Variants in ATRNL1 observed in about 807,000 individuals in gnomAD.
The protein encoded by ATRNL1 is attractin like 1, also known as attractin-like protein 1.
Under a neutral mutation model 182.7 loss-of-function variants are expected in ATRNL1, and 95 were observed. The ratio of observed to expected loss-of-function variants is 0.52; its 90% CI spans 0.44 to 0.62. The LOEUF is 0.62. Among genes scored for constraint, ATRNL1 ranks in the 20% least tolerant of loss-of-function variants. The pLI is 0.00. For missense variants in ATRNL1, 1,471 were observed against 1,679.5 expected, an observed-to-expected ratio of 0.88 and a Z score of 2.17; for synonymous variants, 576 against 568.3, an observed-to-expected ratio of 1.01 and a Z score of -0.19.
chr10:115,304,785 A>G (rs1483586025), intron 17 of ATRNL1, among the ~76,000 whole-genome samples: 10 of 152,068 alleles, frequency 6.6e-5, no homozygotes, highest in Non-Finnish European at 1.2e-4. Flanking sequence ...CATATTCCCA[A>G]ATACATGTGG....
chr10:115,469,548 G>A (rs1401338549), intron 24 of ATRNL1, among the ~76,000 whole-genome samples: 1 of 150,556 alleles, frequency 6.6e-6, no homozygotes, highest in Non-Finnish European at 1.5e-5. Flanking sequence ...ATTTTTCAGT[G>A]ATTATTATGT....
intron 8 of ATRNL1, among the ~76,000 whole-genome samples, chr10:115,184,482 C>T (rs574351896): frequency 6.6e-6 from 1 of 151,044 alleles, no homozygotes; most frequent in East Asian, 1.9e-4. Flanking sequence ...TATACATGTA[C>T]TACTTTTTGT....
intron 27 of ATRNL1, among the ~76,000 whole-genome samples, chr10:115,773,151 A>G (rs1949036071): frequency 6.6e-6 from 1 of 152,218 alleles, no homozygotes; most frequent in Non-Finnish European, 1.5e-5. Context: ...ACTCTTTTTA[A>G]CAGTTGTCAG....
chr10:115,678,317 T>C (rs1250735861), intron 26 of ATRNL1, among the ~76,000 whole-genome samples: 1 of 152,060 alleles, frequency 6.6e-6, no homozygotes, highest in East Asian at 1.9e-4. Flanking sequence ...TTAACTAATA[T>C]AAGTACAATT....
intron 28 of ATRNL1, among the ~76,000 whole-genome samples, chr10:115,937,684 AG>A (rs1953602338): frequency 6.6e-6 from 1 of 152,240 alleles, no homozygotes; most frequent in African/African-American, 2.4e-5. Flanking sequence ...GACTTTGATC[AG>A]TAGTATGTAG....
chr10:115,621,506 T>G (rs766742515), intron 26 of ATRNL1, among the ~76,000 whole-genome samples: 19 of 152,054 alleles, frequency 1.2e-4, no homozygotes, highest in Admixed American at 5.2e-4. Context: ...TTTGTCATAT[T>G]GCCCAGGCTG....
At chr10:115,537,275 C>A (rs561555825) in intron 25 of ATRNL1, among the ~76,000 whole-genome samples, 17 of 152,302 alleles carry the variant, frequency 1.1e-4, no homozygotes, top group East Asian at 9.6e-4. Flanking sequence ...AAATAGACTT[C>A]TCCAAGAGTC....
intron 24 of ATRNL1, among the ~76,000 whole-genome samples, chr10:115,504,317 A>G (rs1849999499): frequency 6.6e-6 from 1 of 152,062 alleles, no homozygotes; most frequent in Admixed American, 6.6e-5. Context: ...TATTGGCTGA[A>G]CAAACTAAAT....
intron 8 of ATRNL1, among the ~76,000 whole-genome samples, chr10:115,207,250 T>G (rs938833026): frequency 6.6e-6 from 1 of 152,176 alleles, no homozygotes; most frequent in African/African-American, 2.4e-5. Context: ...TCTAGATCCT[T>G]GAGGAATCAC....
At chr10:115,738,816 T>C (rs782172067) in intron 27 of ATRNL1, among the ~76,000 whole-genome samples, 1 of 152,118 alleles carries the variant, frequency 6.6e-6, no homozygotes, top group Non-Finnish European at 1.5e-5. Flanking sequence ...TAAGTTAATA[T>C]AATCTGAACT....
At chr10:115,860,183 A>G (rs554320904) in intron 28 of ATRNL1, among the ~76,000 whole-genome samples, 3 of 152,282 alleles carry the variant, frequency 2.0e-5, no homozygotes, top group South Asian at 4.1e-4. Flanking sequence ...ATCATCATTT[A>G]GAAGCTTTGA....
intron 28 of ATRNL1, among the ~76,000 whole-genome samples, chr10:115,866,437 A>G (rs77527735): frequency 0.042 from 6,469 of 152,298 alleles, 476 homozygotes; most frequent in African/African-American, 0.15. Context: ...TCACTATCAT[A>G]AAAGTATTTT....
At chr10:115,116,292 G>A in intron 1 of ATRNL1, among the ~76,000 whole-genome samples, 1 of 152,154 alleles carries the variant, frequency 6.6e-6, no homozygotes, top group South Asian at 2.1e-4. Flanking sequence ...AAAAAAAGTT[G>A]TTTGAAACTT....
chr10:115,656,871 G>C (rs909414007), intron 26 of ATRNL1, among the ~76,000 whole-genome samples: 2 of 151,956 alleles, frequency 1.3e-5, no homozygotes, highest in Admixed American at 1.3e-4. Flanking sequence ...ACCAAAAATT[G>C]GGTAAATCAT....
At chr10:115,412,630 G>A (rs782815470) in intron 20 of ATRNL1, among the ~76,000 whole-genome samples, 4 of 152,054 alleles carry the variant, frequency 2.6e-5, no homozygotes, top group Non-Finnish European at 4.4e-5. Flanking sequence ...TATTCCTTAA[G>A]TGTTTTCAGA....
chr10:115,685,726 C>T (rs558500065), intron 26 of ATRNL1, among the ~76,000 whole-genome samples: 1 of 151,712 alleles, frequency 6.6e-6, no homozygotes, highest in Non-Finnish European at 1.5e-5. Context: ...TGAATATCAT[C>T]TGTATTTTTA....
At chr10:115,519,405 C>A (rs1850804811) in intron 25 of ATRNL1, 81 bp downstream of exon 25, 1 of 1,182,310 alleles carries the variant, frequency 8.5e-7, no homozygotes, top group Non-Finnish European at 1.2e-6. Context: ...AGATAATCGA[C>A]CAATTCTAAA....
At chr10:115,187,683 T>C (rs868925459) in intron 8 of ATRNL1, among the ~76,000 whole-genome samples, 2 of 149,058 alleles carry the variant, frequency 1.3e-5, no homozygotes, top group Non-Finnish European at 3.0e-5. Context: ...TTTTTTTTTT[T>C]TTTTTTTCTT....
chr10:115,396,011 T>C (rs1354480766), intron 20 of ATRNL1, among the ~76,000 whole-genome samples: 1 of 151,760 alleles, frequency 6.6e-6, no homozygotes, highest in Non-Finnish European at 1.5e-5. Flanking sequence ...ATATAAAAAT[T>C]TATACCTAAA....
Sources: gnomAD v4.1 joint callset for allele counts (sites outside exome capture counted in the v4.1 genomes callset) on GRCh38, gnomAD v4.1.1 for gene constraint, MANE v1.5 for transcripts, NCBI Gene and HGNC (gene_info 2026-07-23, HGNC 2026-07-21) for gene names.